POLN: variants seen among roughly 807,000 people sequenced by gnomAD.
POLN encodes DNA polymerase nu.
A neutral mutation model predicts 113.5 loss-of-function variants in POLN; 108 were observed. That is an observed-to-expected ratio of 0.95 (90% CI 0.81 to 1.12). The LOEUF is 1.12. Among genes scored for constraint, POLN ranks in the 50% most tolerant of loss-of-function variants. The pLI is 0.00. For missense variants in POLN, 1,097 were observed against 1,077.1 expected, an observed-to-expected ratio of 1.02 and a Z score of -0.26; for synonymous variants, 386 against 391.5, an observed-to-expected ratio of 0.99 and a Z score of 0.17.
At chr4:2,113,137 C>CA (rs1340274561) in intron 19 of POLN, among the ~76,000 whole-genome samples, 1 of 146,536 alleles carries the variant, frequency 6.8e-6, no homozygotes. Context: ...ATCGCAAGGA[C>CA]AAAAAACCAA....
intron 24 of POLN, among the ~76,000 whole-genome samples, chr4:2,074,491 C>T (rs1313071654): frequency 1.3e-5 from 2 of 152,180 alleles, no homozygotes; most frequent in Admixed American, 6.5e-5. Flanking sequence ...CAGCTGAGCA[C>T]ACGTTATACT....
At chr4:2,105,023 C>T (rs1435367923) in intron 19 of POLN, among the ~76,000 whole-genome samples, 1 of 152,182 alleles carries the variant, frequency 6.6e-6, no homozygotes, top group African/African-American at 2.4e-5. Flanking sequence ...TTGAGATCTG[C>T]CCCCCACCAT....
At chr4:2,176,533 G>A (rs574739774) in intron 8 of POLN, among the ~76,000 whole-genome samples, 199 bp from the exon 9 acceptor site, 73 of 152,236 alleles carry the variant, frequency 4.8e-4, no homozygotes, top group African/African-American at 1.6e-3. Context: ...CTTCTACTGC[G>A]CAAGTGCAAG....
intron 19 of POLN, among the ~76,000 whole-genome samples, chr4:2,120,658 T>G (rs1181689321): frequency 6.6e-6 from 1 of 152,054 alleles, no homozygotes; most frequent in African/African-American, 2.4e-5. Context: ...TACAACCGGC[T>G]AATTTTTTGT....
At chr4:2,081,815 A>G (rs1730428474) in intron 21 of POLN, 72 bp from the exon 22 acceptor site, 1 of 1,304,586 alleles carries the variant, frequency 7.7e-7, no homozygotes, top group Non-Finnish European at 1.1e-6. Flanking sequence ...CCCTCGGGCC[A>G]GGTCCAGAGG....
At chr4:2,236,561 A>T (rs1037756804) in intron 2 of POLN, 3 of 753,444 alleles carry the variant, frequency 4.0e-6, no homozygotes, top group Non-Finnish European at 6.5e-6. Context: ...GCTAAGTAAC[A>T]ACTTATAAAA....
chr4:2,179,660 G>C (rs1022930034), intron 7 of POLN, among the ~76,000 whole-genome samples, 195 bp from the exon 8 acceptor site: 2 of 152,052 alleles, frequency 1.3e-5, no homozygotes, highest in South Asian at 4.1e-4. Context: ...ATGAACCCAA[G>C]TCCCACATGG....
intron 20 of POLN, among the ~76,000 whole-genome samples, chr4:2,094,984 T>G (rs1008020903): frequency 6.6e-6 from 1 of 152,136 alleles, no homozygotes. Context: ...AAAGAAGAAC[T>G]GATCACAGGG....
intron 19 of POLN, among the ~76,000 whole-genome samples, chr4:2,104,791 G>A (rs187216816): frequency 6.6e-6 from 1 of 152,324 alleles, no homozygotes; most frequent in African/African-American, 2.4e-5. Flanking sequence ...AGAGCCCCAT[G>A]AATAGACTGT....
rs1734998834 is a variant in POLN, at chr4:2,241,764, G to A, written c.-257C>T. The A allele has an allele frequency of 6.1e-6, 6 of 985,474 alleles. No individual in the cohort carries two copies. Among genetic ancestry groups the A allele is most frequent in the Admixed American group, 6.1e-5 (1 of 16,292 alleles). 61.0% of individuals were successfully genotyped at this position (985,474 alleles called of 1,614,324 possible). A position where few individuals can be genotyped will look rare whatever the true frequency, so the allele number is the denominator to read the frequency against. ...CAGCGGCAAAACCTTCCTTCGGAGGGTCACCCAGCTGTGACACCTAAGCAC... is the reference window on the plus strand; with the variant it reads ...CAGCGGCAAAACCTTCCTTCGGAGGATCACCCAGCTGTGACACCTAAGCAC... On this transcript the variant is annotated 5_prime_UTR_variant, in exon 2 of 26. Transcript: ENST00000511885.
chr4:2,113,583 C>T (rs1001861311), intron 19 of POLN, among the ~76,000 whole-genome samples: 1 of 151,142 alleles, frequency 6.6e-6, no homozygotes, highest in Non-Finnish European at 1.5e-5. Flanking sequence ...AATGGCTGGG[C>T]ATGGTGGCTC....
chr4:2,111,197 T>C (rs1179479604), intron 19 of POLN, among the ~76,000 whole-genome samples: 8 of 152,182 alleles, frequency 5.3e-5, no homozygotes, highest in Non-Finnish European at 8.8e-5. Context: ...ACAACCTTCA[T>C]GCTAAAAACT....
intron 19 of POLN, among the ~76,000 whole-genome samples, chr4:2,121,434 CAAAAAA>C (rs869279379): frequency 7.2e-6 from 1 of 139,450 alleles, no homozygotes; most frequent in African/African-American, 2.6e-5. Flanking sequence ...GACTCTGTCT[CAAAAAA>C]AAAAAAAAAA....
intron 13 of POLN, among the ~76,000 whole-genome samples, chr4:2,162,971 C>G (rs1245116214): frequency 9.4e-6 from 1 of 106,134 alleles, no homozygotes; most frequent in Non-Finnish European, 1.8e-5. Flanking sequence ...TATTTTGGCT[C>G]TTTTTAGTGT....
chr4:2,144,140 GTTC>G lies in POLN; in HGVS notation c.1731+12645_1731+12647del, dbSNP rs1347046166. Among the ~76,000 whole-genome samples the G allele has an allele frequency of 4.6e-3, 621 of 136,094 alleles. 1 individual carries two copies. The highest frequency in any genetic ancestry group is 7.2e-3 in the Non-Finnish European group (448 of 62,322). 89.3% of individuals were successfully genotyped at this position (136,094 alleles called of 152,430 possible). On this transcript the variant is annotated intron_variant, in intron 16 of 25. Transcript: ENST00000511885. ...AATACATATTCACTGTTAAAAATTT[GTTC>G]TTTTTTTTTTTTTTTTTTTGAGATG...
At chr4:2,161,634 C>T (rs1273679316) in intron 13 of POLN, among the ~76,000 whole-genome samples, 1 of 152,244 alleles carries the variant, frequency 6.6e-6, no homozygotes, top group East Asian at 1.9e-4. Flanking sequence ...ATCGACCACC[C>T]AAAGGCTGAG....
chr4:2,197,287 A>C (rs1307345147), intron 6 of POLN, among the ~76,000 whole-genome samples: 1 of 152,188 alleles, frequency 6.6e-6, no homozygotes, highest in East Asian at 1.9e-4. Flanking sequence ...ATCCAGTAGG[A>C]GGTAACAACT....
At chr4:2,240,212 T>C (rs1734923363) in intron 2 of POLN, 1 of 1,613,906 alleles carries the variant, frequency 6.2e-7, no homozygotes, top group Admixed American at 1.7e-5. Context: ...AAATAGATGG[T>C]GTCTGTATAT....
At chr4:2,234,498 G>C (rs1457711969) in intron 2 of POLN, 1 of 153,942 alleles carries the variant, frequency 6.5e-6, no homozygotes, top group African/African-American at 2.4e-5. Context: ...GGGAAAATCA[G>C]AACTGGCTCC....
Sources: gnomAD v4.1 joint callset for allele counts (sites outside exome capture counted in the v4.1 genomes callset) on GRCh38, gnomAD v4.1.1 for gene constraint, MANE v1.5 for transcripts, NCBI Gene and HGNC (gene_info 2026-07-23, HGNC 2026-07-21) for gene names.